Variants in CNTNAP3 observed in about 807,000 individuals in gnomAD.
The protein encoded by CNTNAP3 is contactin-associated protein-like 3.
A neutral mutation model predicts 92.1 loss-of-function variants in CNTNAP3; 36 were observed. The ratio of observed to expected loss-of-function variants is 0.39; its 90% CI spans 0.30 to 0.52. The LOEUF (loss-of-function observed/expected upper bound fraction) is 0.52. Among genes scored for constraint, CNTNAP3 ranks in the 20% least tolerant of loss-of-function variants. The pLI, the probability that CNTNAP3 is intolerant of heterozygous loss-of-function variation, is 0.76. For missense variants in CNTNAP3, 534 were observed against 1,069.6 expected, an observed-to-expected ratio of 0.50 and a Z score of 6.98; for synonymous variants, 232 against 422.3, an observed-to-expected ratio of 0.55 and a Z score of 5.53.
chr9:39,082,293 T>C (rs974698765), intron 21 of CNTNAP3, among the ~76,000 whole-genome samples: 16 of 151,598 alleles, frequency 1.1e-4, no homozygotes, highest in Admixed American at 4.6e-4. Context: ...TGTTGACTTA[T>C]ACTTTCAAAG....
chr9:39,150,699 G>A (rs767941648), intron 9 of CNTNAP3, among the ~76,000 whole-genome samples: 1 of 50,526 alleles, frequency 2.0e-5, no homozygotes, highest in Non-Finnish European at 3.9e-5. Flanking sequence ...AGTCCAGAAT[G>A]TTCTATGAAT....
rs2118316105 is a variant in CNTNAP3, at chr9:39,065,175, A to G, written c.*8715T>C. 6.6e-6 allele frequency among the ~76,000 whole-genome samples: 1 copy of G among 152,364 alleles called. No homozygotes were observed. The highest frequency in any genetic ancestry group is 1.5e-5 in the Non-Finnish European group (1 of 68,002). On this transcript the variant is annotated 3_prime_UTR_variant, in exon 24 of 24. Transcript: ENST00000297668. The stretch of plus-strand genomic sequence containing the variant: ...CCATCCCACCTCAACCCAGGTAACT[A>G]CTGATACAATTTCTACTGCTATATC...
intron 15 of CNTNAP3, among the ~76,000 whole-genome samples, chr9:39,106,963 C>T (rs1826619724): frequency 6.6e-6 from 1 of 152,072 alleles, no homozygotes. Context: ...CAACAGATCC[C>T]TCCCTTGAGC....
In CNTNAP3 at chr9:39,118,155, T is replaced by C. The variant is rs546815135; in HGVS notation, c.2185A>G (p.Asn729Asp). ...AQKCTCGLEG[N>D]CIDSQYYCNC... ...CAGTAATACTGAGAATCAATGCAGT[T>C]CCCCTCTAATCCACAAGTACACTTT... is the stretch of plus-strand genomic sequence containing the variant. The change falls in exon 14 of 24, where the codon AAC becomes GAC. Residue 729 changes from asparagine to aspartate, a missense_variant. Physicochemically the swap from Asn to Asp is conservative, Grantham distance 23. Coordinates refer to ENST00000297668, the MANE Select transcript of CNTNAP3 (RefSeq NM_033655.5). 1.1e-5 allele frequency: 17 copies of C among 1,611,198 alleles called. No homozygotes were observed. Among genetic ancestry groups the C allele is most frequent in the Admixed American group, 3.3e-5 (2 of 59,906 alleles).
At chr9:39,079,573 A>T (rs2315732) in intron 21 of CNTNAP3, among the ~76,000 whole-genome samples, 2 of 151,938 alleles carry the variant, frequency 1.3e-5, no homozygotes, top group Admixed American at 6.6e-5. Flanking sequence ...TTAACTGTTA[A>T]TTTTAAAGCT....
At chr9:39,121,722 T>C (rs1349669096) in intron 13 of CNTNAP3, among the ~76,000 whole-genome samples, 1 of 152,070 alleles carries the variant, frequency 6.6e-6, no homozygotes, top group Non-Finnish European at 1.5e-5. Context: ...TCAAGAGTTT[T>C]ATCTCCAGGA....
chr9:39,135,425 G>C (rs890101557), intron 12 of CNTNAP3, among the ~76,000 whole-genome samples: 1 of 151,920 alleles, frequency 6.6e-6, no homozygotes, highest in African/African-American at 2.4e-5. Context: ...TGTGGAAAGG[G>C]GATCAGAGGT....
intron 10 of CNTNAP3, among the ~76,000 whole-genome samples, chr9:39,147,328 T>C (rs897117772): frequency 1.8e-4 from 28 of 152,040 alleles, no homozygotes; most frequent in Non-Finnish European, 3.8e-4. Flanking sequence ...GTTTTCAGGA[T>C]ACTTAAAAGT....
Position 39,102,379 on chromosome 9 carries a change from T to C in CNTNAP3, c.2755+118A>G, listed in dbSNP as rs1024563634. ...AACCTACCAGGTTATCAGCAAATAGTACCAATAAGCAGTAGTTGTTGTTGG... is the reference window on the plus strand; with the variant it reads ...AACCTACCAGGTTATCAGCAAATAGCACCAATAAGCAGTAGTTGTTGTTGG... On this transcript the variant is annotated intron_variant, in intron 17 of 23. Coordinates refer to ENST00000297668, the MANE Select transcript of CNTNAP3 (RefSeq NM_033655.5). The C allele has an allele frequency of 3.3e-5, 50 of 1,522,942 alleles. No homozygotes were observed. The African/African-American group carries it at 6.2e-4, about 19-fold the overall frequency. The allele number at this position is 1,522,942 out of a possible 1,614,324, so 94.3% of individuals were successfully genotyped here.
chr9:39,119,622 AT>A (rs1055837932), intron 13 of CNTNAP3, among the ~76,000 whole-genome samples: 3 of 151,940 alleles, frequency 2.0e-5, no homozygotes, highest in South Asian at 2.1e-4. Flanking sequence ...GTAAAAATGT[AT>A]TTTTTTTAGA....
chr9:39,081,421 G>C (rs1825930656), intron 21 of CNTNAP3, among the ~76,000 whole-genome samples: 1 of 151,182 alleles, frequency 6.6e-6, no homozygotes, highest in South Asian at 2.1e-4. Context: ...TCGGGGTCCT[G>C]CACCCAGCCC....
intron 13 of CNTNAP3, among the ~76,000 whole-genome samples, chr9:39,118,497 T>G (rs2117964823): frequency 6.6e-6 from 1 of 152,272 alleles, no homozygotes; most frequent in African/African-American, 2.4e-5. Context: ...TTTCTTCTAT[T>G]AGAAATCAGT....
At chr9:39,168,102 C>CG (rs1360313143) in intron 8 of CNTNAP3, among the ~76,000 whole-genome samples, 1 of 136,134 alleles carries the variant, frequency 7.3e-6, no homozygotes. Flanking sequence ...CTGCAAGCTC[C>CG]GCCTTCCGGG....
chr9:39,077,073 A>AT (rs1315368110), intron 23 of CNTNAP3, among the ~76,000 whole-genome samples: 2 of 152,292 alleles, frequency 1.3e-5, no homozygotes, highest in Admixed American at 1.3e-4. Flanking sequence ...TTGCCAAAAC[A>AT]TATTTTTAAG....
chr9:39,094,774 G>A (rs987193201), intron 18 of CNTNAP3, among the ~76,000 whole-genome samples: 93 of 151,670 alleles, frequency 6.1e-4, no homozygotes, highest in African/African-American at 2.1e-3. Flanking sequence ...AAGTCAAGAA[G>A]GGTGAATCCT....
chr9:39,104,306 C>T (rs1219087993), intron 15 of CNTNAP3, among the ~76,000 whole-genome samples: 1 of 151,992 alleles, frequency 6.6e-6, no homozygotes, highest in African/African-American at 2.4e-5. Flanking sequence ...TTTGGTCTAA[C>T]TGGGAGGGGA....
intron 14 of CNTNAP3, among the ~76,000 whole-genome samples, chr9:39,117,359 T>G (rs1448787993): frequency 1.3e-5 from 2 of 151,938 alleles, no homozygotes; most frequent in African/African-American, 4.8e-5. Context: ...TTTAAGTTGC[T>G]GACATGAACC....
chr9:39,120,644 T>C (rs948716611), intron 13 of CNTNAP3, among the ~76,000 whole-genome samples: 1 of 152,162 alleles, frequency 6.6e-6, no homozygotes. Context: ...CACTCCAACC[T>C]GGGCGACAGA....
chr9:39,093,621 T>A (rs1283779748), intron 18 of CNTNAP3, among the ~76,000 whole-genome samples: 1 of 151,474 alleles, frequency 6.6e-6, no homozygotes, highest in African/African-American at 2.4e-5. Context: ...TTATATAATA[T>A]CTGCCCTCTT....
Sources: allele counts gnomAD v4.1 joint callset (sites outside exome capture counted in the v4.1 genomes callset), GRCh38; gene constraint gnomAD v4.1.1; transcripts MANE v1.5; gene names NCBI Gene and HGNC (gene_info 2026-07-23, HGNC 2026-07-21).